The following CYTH1 variants were observed in gnomAD, a reference collection of about 807,000 sequenced individuals.
CYTH1 encodes cytohesin-1.
CYTH1 carries 18 observed loss-of-function variants against 61.8 expected under a neutral mutation model. The observed-to-expected ratio is 0.29, with a 90% CI of 0.20 to 0.43. The LOEUF (loss-of-function observed/expected upper bound fraction) is 0.43. CYTH1 is among the 20% of genes least tolerant of loss of function. CYTH1 has a pLI of 1.00. For missense variants in CYTH1, 336 were observed against 510.5 expected, an observed-to-expected ratio of 0.66 and a Z score of 3.29; for synonymous variants, 174 against 184.3, an observed-to-expected ratio of 0.94 and a Z score of 0.45.
intron 1 of CYTH1, among the ~76,000 whole-genome samples, chr17:78,720,224 G>A (rs1261710711): frequency 1.3e-5 from 2 of 152,130 alleles, no homozygotes; most frequent in Admixed American, 6.5e-5. Context: ...GCTGAAGATG[G>A]TACATTTTTT....
intron 1 of CYTH1, among the ~76,000 whole-genome samples, chr17:78,757,157 C>T (rs1165998848): frequency 6.6e-6 from 1 of 151,776 alleles, no homozygotes; most frequent in East Asian, 1.9e-4. Flanking sequence ...ACTGTGTTAG[C>T]CAGGATGGTT....
rs1290282690 is a variant in CYTH1, at chr17:78,782,189, G to A, written c.22+13C>T. On this transcript the variant is annotated intron_variant, in intron 1 of 13. Transcript: ENST00000446868. ...CAGCGAGGGGGAAGCGTCCGCCGCC[G>A]GGGCGCACTGACCGTAGCTGTCGTC... The A allele has an allele frequency of 1.5e-6, 2 of 1,366,212 alleles. No individual in the cohort carries two copies. Among genetic ancestry groups the A allele is most frequent in the South Asian group, 3.1e-5 (2 of 65,208 alleles). The allele number at this position is 1,366,212 out of a possible 1,614,324, so 84.6% of individuals were successfully genotyped here. A position where few individuals can be genotyped will look rare whatever the true frequency, so the allele number is the denominator to read the frequency against.
chr17:78,675,687 T>C lies in CYTH1; in HGVS notation c.*404A>G, dbSNP rs1165767133. The C allele has an allele frequency of 1.2e-5, 5 of 421,590 alleles. No homozygotes were observed. The highest frequency in any genetic ancestry group is 2.1e-5 in the Non-Finnish European group (5 of 242,606). The allele number at this position is 421,590 out of a possible 1,614,324, so 26.1% of individuals were successfully genotyped here. A position where few individuals can be genotyped will look rare whatever the true frequency, so the allele number is the denominator to read the frequency against. ...TGGCTTCTCTTCCTTTCCACCTTTTTCTCTTAACATATAATAATATATGGA... is the reference window on the plus strand; with the variant it reads ...TGGCTTCTCTTCCTTTCCACCTTTTCCTCTTAACATATAATAATATATGGA... On this transcript the variant is annotated 3_prime_UTR_variant, in exon 14 of 14. Transcript: ENST00000446868.
intron 11 of CYTH1, among the ~76,000 whole-genome samples, chr17:78,681,311 C>T (rs1598812648): frequency 6.6e-6 from 1 of 152,150 alleles, no homozygotes; most frequent in Admixed American, 6.5e-5. Flanking sequence ...GACCCGGGCA[C>T]GGTCCTCAAG....
At chr17:78,688,289 T>C (rs2092837709) in intron 11 of CYTH1, among the ~76,000 whole-genome samples, 1 of 152,226 alleles carries the variant, frequency 6.6e-6, no homozygotes, top group African/African-American at 2.4e-5. Context: ...GTGGTGTTGG[T>C]TGGCAACTAA....
chr17:78,704,934 G>C (rs568628304), intron 3 of CYTH1, among the ~76,000 whole-genome samples: 135 of 152,220 alleles, frequency 8.9e-4, no homozygotes, highest in Admixed American at 2.0e-3. Context: ...CAAAGTCATG[G>C]GGGAAACACC....
intron 1 of CYTH1, among the ~76,000 whole-genome samples, chr17:78,724,623 C>T (rs1235693197): frequency 6.6e-6 from 1 of 152,174 alleles, no homozygotes; most frequent in Non-Finnish European, 1.5e-5. Context: ...CCCTGCGGGA[C>T]AAAACTGTCC....
intron 1 of CYTH1, among the ~76,000 whole-genome samples, chr17:78,720,976 T>C (rs896365059): frequency 1.5e-4 from 23 of 152,262 alleles, no homozygotes; most frequent in African/African-American, 5.5e-4. Flanking sequence ...ATTTGACTTT[T>C]GCGTAGTGCA....
intron 1 of CYTH1, chr17:78,727,988 C>T (rs1360525508): frequency 1.2e-5 from 3 of 248,888 alleles, no homozygotes; most frequent in Non-Finnish European, 2.5e-5. Flanking sequence ...GGCAGTGAGT[C>T]CCTGATATCA....
chr17:78,679,410 C>G (rs1277000588), intron 13 of CYTH1, among the ~76,000 whole-genome samples: 1 of 146,898 alleles, frequency 6.8e-6, no homozygotes, highest in Non-Finnish European at 1.5e-5. Context: ...CGCACAGGGA[C>G]TGGAGGGAGG....
chr17:78,730,656 AATT>A (rs760682909), intron 1 of CYTH1, among the ~76,000 whole-genome samples: 32 of 151,570 alleles, frequency 2.1e-4, no homozygotes, highest in African/African-American at 6.3e-4. Flanking sequence ...CAAGTTACGA[AATT>A]ATTATTATTA....
chr17:78,678,759 G>A (rs1231790362), intron 13 of CYTH1, among the ~76,000 whole-genome samples: 2 of 152,116 alleles, frequency 1.3e-5, no homozygotes, highest in Non-Finnish European at 1.5e-5. Context: ...TCATGCCAGG[G>A]AAGCTGCCAA....
In CYTH1 at chr17:78,692,500, A is replaced by T. The variant is rs759233925; in HGVS notation, c.815-7T>A. 7 of 1,613,764 alleles carry T rather than the reference A, an allele frequency of 4.3e-6. No homozygotes were observed. In the South Asian group the frequency reaches 4.4e-5, roughly 10 times the overall value. ...CAAGTCTTTACCCTGCCACCTGCAG[A>T]GCAAAAAGAGATGCACGTTCGACAA... On this transcript the variant is annotated splice_region_variant and splice_polypyrimidine_tract_variant and intron_variant, in intron 10 of 13. Transcript: ENST00000446868.
Position 78,750,859 on chromosome 17 carries a change from G to A in CYTH1, c.22+31343C>T, listed in dbSNP as rs140927063. On this transcript the variant is annotated intron_variant, in intron 1 of 13. Transcript: ENST00000446868. ...ACACTGAATTGGAAAAGACTAAACC[G>A]TTGCTCCTAGGGGAAATACAGGTTA... Among the ~76,000 whole-genome samples, 692 of 151,810 alleles carry A rather than the reference G, an allele frequency of 4.6e-3. 5 individuals are homozygous for A. Among genetic ancestry groups the A allele is most frequent in the African/African-American group, 0.016 (646 of 41,368 alleles).
chr17:78,675,772 C>T lies in CYTH1; in HGVS notation c.*319G>A, dbSNP rs2092691599. 3 of 1,011,428 alleles carry T rather than the reference C, an allele frequency of 3.0e-6. No individual in the cohort carries two copies. The African/African-American group carries it at 4.9e-5, about 16-fold the overall frequency. 62.7% of individuals were successfully genotyped at this position (1,011,428 alleles called of 1,614,324 possible). On this transcript the variant is annotated 3_prime_UTR_variant, in exon 14 of 14. Transcript: ENST00000446868. ...TTCACGGGGACAACCAAGAGGTAAACAGTTGGCTCTGAGCTCTGCTACCAG... is the reference window on the plus strand; with the variant it reads ...TTCACGGGGACAACCAAGAGGTAAATAGTTGGCTCTGAGCTCTGCTACCAG...
intron 3 of CYTH1, among the ~76,000 whole-genome samples, chr17:78,705,479 C>T (rs1438987073): frequency 1.3e-5 from 2 of 152,066 alleles, no homozygotes; most frequent in Non-Finnish European, 2.9e-5. Flanking sequence ...TTAACTGACG[C>T]GTATACATTT....
chr17:78,674,115 C>T lies in CYTH1; in HGVS notation c.*1976G>A, dbSNP rs2092670712. 6.6e-6 allele frequency: 1 copy of T among 152,608 alleles called. No homozygotes were observed. Among genetic ancestry groups the T allele is most frequent in the African/African-American group, 2.4e-5 (1 of 41,446 alleles). 9.5% of individuals were successfully genotyped at this position (152,608 alleles called of 1,614,324 possible). ...CGCTAGTTTACAAGGCAAAAACAAACAAACAAAAACAATTAGAATAATTAT... is the reference window on the plus strand; with the variant it reads ...CGCTAGTTTACAAGGCAAAAACAAATAAACAAAAACAATTAGAATAATTAT... On this transcript the variant is annotated 3_prime_UTR_variant, in exon 14 of 14. Coordinates refer to ENST00000446868, the MANE Select transcript of CYTH1 (RefSeq NM_004762.6).
chr17:78,723,822 G>C (rs1279515966), intron 1 of CYTH1: 2 of 152,354 alleles, frequency 1.3e-5, no homozygotes, highest in Non-Finnish European at 2.9e-5. Context: ...TGGATGTTCT[G>C]TCACCCCAAA....
chr17:78,690,477 C>G (rs1477937123), intron 11 of CYTH1, among the ~76,000 whole-genome samples: 7 of 136,288 alleles, frequency 5.1e-5, no homozygotes, highest in Non-Finnish European at 9.2e-5. Context: ...GTCAGGAGTT[C>G]AAGACCAGCC....
Sources: gnomAD v4.1 joint callset for allele counts (sites outside exome capture counted in the v4.1 genomes callset) on GRCh38, gnomAD v4.1.1 for gene constraint, MANE v1.5 for transcripts, NCBI Gene and HGNC (gene_info 2026-07-23, HGNC 2026-07-21) for gene names.